LTBP1: variants seen among roughly 807,000 people sequenced by gnomAD.
The protein encoded by LTBP1 is latent transforming growth factor beta binding protein 1.
Under a neutral mutation model 207.6 loss-of-function variants are expected in LTBP1, and 129 were observed. That is an observed-to-expected ratio of 0.62 (90% CI 0.54 to 0.72). The LOEUF is 0.72. LTBP1 is among the 30% of genes least tolerant of loss of function. The pLI, the probability that LTBP1 is intolerant of heterozygous loss-of-function variation, is 0.00. For missense variants in LTBP1, 2,281 were observed against 2,217.2 expected (o/e 1.03, Z -0.58); for synonymous variants, 963 against 833.7 (o/e 1.16, Z -2.67).
chr2:33,116,239 G>A (rs1363199643), intron 4 of LTBP1, among the ~76,000 whole-genome samples: 8 of 152,176 alleles, frequency 5.3e-5, no homozygotes, highest in Non-Finnish European at 7.3e-5. Context: ...TATTTGGAAC[G>A]ATTTAGAAAT....
At chr2:33,017,972 C>T (rs1454197841) in intron 2 of LTBP1, among the ~76,000 whole-genome samples, 2 of 152,108 alleles carry the variant, frequency 1.3e-5, no homozygotes, top group African/African-American at 4.8e-5. Context: ...TCCTCATCTC[C>T]GTGCTCTAGG....
At chr2:33,087,625 C>T (rs1199659321) in intron 3 of LTBP1, among the ~76,000 whole-genome samples, 1 of 152,164 alleles carries the variant, frequency 6.6e-6, no homozygotes, top group Non-Finnish European at 1.5e-5. Context: ...CTCTGTCCTG[C>T]CCCCAGCTTC....
chr2:33,238,362 C>T (rs2092150336), intron 9 of LTBP1, among the ~76,000 whole-genome samples: 1 of 152,162 alleles, frequency 6.6e-6, no homozygotes, highest in South Asian at 2.1e-4. Context: ...GTTAAACATA[C>T]ATACTTTCCT....
At chr2:33,051,365 G>A (rs1354917507) in intron 3 of LTBP1, among the ~76,000 whole-genome samples, 1 of 152,052 alleles carries the variant, frequency 6.6e-6, no homozygotes, top group Non-Finnish European at 1.5e-5. Context: ...TGCATGAGCT[G>A]TGATTATGCC....
At chr2:33,049,497 C>G (rs2076617327) in intron 3 of LTBP1, among the ~76,000 whole-genome samples, 1 of 152,088 alleles carries the variant, frequency 6.6e-6, no homozygotes, top group African/African-American at 2.4e-5. Context: ...AAAATGAGAC[C>G]TCTGAATTGC....
At chr2:33,254,541 T>A (rs2092775026) in intron 11 of LTBP1, among the ~76,000 whole-genome samples, 1 of 132,976 alleles carries the variant, frequency 7.5e-6, no homozygotes, top group Non-Finnish European at 1.6e-5. Flanking sequence ...GTTAATTCTT[T>A]AAACTTGGTT....
At chr2:33,388,802 A>G (rs2095289677) in intron 31 of LTBP1, among the ~76,000 whole-genome samples, 1 of 152,124 alleles carries the variant, frequency 6.6e-6, no homozygotes, top group Non-Finnish European at 1.5e-5. Context: ...CAGAATGACT[A>G]CTTTCTACTT....
intron 4 of LTBP1, among the ~76,000 whole-genome samples, chr2:33,127,302 C>T (rs748992790): frequency 1.1e-4 from 17 of 152,072 alleles, no homozygotes; most frequent in Non-Finnish European, 2.2e-4. Flanking sequence ...ATGTCTGCCT[C>T]GGTGTCGGAA....
At chr2:33,260,328 A>G (rs1369507426) in intron 13 of LTBP1, among the ~76,000 whole-genome samples, 3 of 152,198 alleles carry the variant, frequency 2.0e-5, no homozygotes, top group African/African-American at 7.2e-5. Context: ...TTGCTAGACT[A>G]AATTATCGTT....
chr2:33,026,740 C>T (rs1027278219), intron 3 of LTBP1, among the ~76,000 whole-genome samples: 4 of 152,150 alleles, frequency 2.6e-5, no homozygotes, highest in Admixed American at 2.0e-4. Context: ...AAATTTGAAC[C>T]AATCACTGAT....
intron 2 of LTBP1, among the ~76,000 whole-genome samples, chr2:32,962,452 C>T (rs1481024078): frequency 6.6e-6 from 1 of 152,068 alleles, no homozygotes; most frequent in African/African-American, 2.4e-5. Context: ...CTTTTTCATC[C>T]ATTTAGGAGA....
chr2:33,306,634 C>T (rs2094100888), intron 22 of LTBP1, among the ~76,000 whole-genome samples: 1 of 151,598 alleles, frequency 6.6e-6, no homozygotes. Context: ...AGGCAAACAT[C>T]TAGGTTATGA....
chr2:33,375,528 T>G (rs1230448927), intron 31 of LTBP1, among the ~76,000 whole-genome samples: 1 of 151,846 alleles, frequency 6.6e-6, no homozygotes, highest in Non-Finnish European at 1.5e-5. Context: ...GTTGTTTGTT[T>G]GTTTGTTTGT....
Position 33,363,487 on chromosome 2 carries a change from G to A in LTBP1, c.4368G>A (p.Thr1456=), listed in dbSNP as rs368024012. 1.4e-5 allele frequency: 22 copies of A among 1,613,734 alleles called. No homozygotes were observed. The East Asian group carries it at 1.6e-4, about 11-fold the overall frequency. Residue 1456 remains threonine (T), a synonymous_variant, in exon 29 of 34, where the codon ACG becomes ACA. Transcript: ENST00000404816. The part of the protein sequence containing the change: ...PGYECYCKQG[T]YYDPVKLQCF... The stretch of plus-strand genomic sequence containing the variant: ...ATGAATGCTACTGTAAGCAAGGGAC[G>A]TACTATGATCCTGTGAAACTGCAGT...
At chr2:33,087,055 C>A (rs2078798990) in intron 3 of LTBP1, among the ~76,000 whole-genome samples, 1 of 139,002 alleles carries the variant, frequency 7.2e-6, no homozygotes, top group Admixed American at 7.5e-5. Context: ...ATTCTGGACA[C>A]AGAAGCACCA....
chr2:33,379,955 A>G (rs924443710), intron 31 of LTBP1, among the ~76,000 whole-genome samples: 3 of 152,222 alleles, frequency 2.0e-5, no homozygotes, highest in Non-Finnish European at 4.4e-5. Flanking sequence ...AAAATAAGCA[A>G]GATTAAAATA....
At chr2:32,954,876 C>T (rs1439974149) in intron 2 of LTBP1, among the ~76,000 whole-genome samples, 1 of 152,150 alleles carries the variant, frequency 6.6e-6, no homozygotes, top group Non-Finnish European at 1.5e-5. Flanking sequence ...ACTGCAGCAG[C>T]TCTGGCTGCT....
chr2:32,975,607 T>G (rs1681626678), intron 2 of LTBP1, among the ~76,000 whole-genome samples: 2 of 134,312 alleles, frequency 1.5e-5, no homozygotes, highest in Non-Finnish European at 3.1e-5. Context: ...TTTTTTTTTT[T>G]TTTTTTTTTT....
Position 33,347,510 on chromosome 2 carries a change from G to C in LTBP1, c.4000G>C (p.Asp1334His). The stretch of plus-strand genomic sequence containing the variant: ...GCAGTGCCGCTCCCGGACCTCCACA[G>C]GTAAGTCCCAGTGACACTGTGCAAG... ...TGQCRSRTST[D>H]LDVDVDQPKE... The change falls in exon 26 of 34, where the codon GAT becomes CAT. Residue 1334 changes from aspartate (D) to histidine (H), a missense_variant and splice_region_variant. This residue lies in a region of LTBP1 where 1,671 missense variants were observed against 1,634.8 expected (regional missense o/e 1.02). Transcript: ENST00000404816. The C allele has an allele frequency of 1.2e-6, 2 of 1,614,068 alleles. No homozygotes were observed. Among genetic ancestry groups the C allele is most frequent in the Non-Finnish European group, 1.7e-6 (2 of 1,180,014 alleles).
Sources: allele counts gnomAD v4.1 joint callset (sites outside exome capture counted in the v4.1 genomes callset), GRCh38; gene constraint gnomAD v4.1.1; regional missense constraint gnomAD v4.1.1; transcripts MANE v1.5; gene names NCBI Gene and HGNC (gene_info 2026-07-23, HGNC 2026-07-21).